Variants in EEPD1 observed in about 807,000 individuals in gnomAD.
EEPD1 encodes the protein endonuclease/exonuclease/phosphatase family domain containing 1.
EEPD1 carries 17 observed loss-of-function variants against 46.3 expected under a neutral mutation model. That is an observed-to-expected ratio of 0.37 (90% confidence interval 0.25 to 0.55). The LOEUF (loss-of-function observed/expected upper bound fraction) is 0.55. EEPD1 is among the 20% of genes least tolerant of loss of function. The pLI, the probability that EEPD1 is intolerant of heterozygous loss-of-function variation, is 0.83. For missense variants in EEPD1, 673 were observed against 745.6 expected, an observed-to-expected ratio of 0.90 and a Z score of 1.13; for synonymous variants, 313 against 315.6, an observed-to-expected ratio of 0.99 and a Z score of 0.09.
At chr7:36,168,758 A>AG (rs70977111) in intron 2 of EEPD1, among the ~76,000 whole-genome samples, 1 of 18,028 alleles carries the variant, frequency 5.5e-5, no homozygotes, top group Non-Finnish European at 1.7e-4. Flanking sequence ...ACTCTGTCTC[A>AG]AAAAAAAAAA....
intron 2 of EEPD1, among the ~76,000 whole-genome samples, chr7:36,173,245 T>C (rs1242299792): frequency 1.3e-5 from 2 of 150,170 alleles, no homozygotes; most frequent in East Asian, 4.0e-4. Context: ...TCCCAGCACT[T>C]TGGGAGGCCA....
At chr7:36,250,887 T>TA (rs1786728122) in intron 3 of EEPD1, among the ~76,000 whole-genome samples, 1 of 152,182 alleles carries the variant, frequency 6.6e-6, no homozygotes, top group Non-Finnish European at 1.5e-5. Context: ...TTCATTTCTT[T>TA]ACCCCCAAAA....
At chr7:36,161,784 G>A (rs1784903774) in intron 2 of EEPD1, among the ~76,000 whole-genome samples, 1 of 151,908 alleles carries the variant, frequency 6.6e-6, no homozygotes, top group Admixed American at 6.6e-5. Context: ...GAGTGGGGTA[G>A]TGCGTGCCTG....
chr7:36,297,547 G>C (rs1781846734), intron 7 of EEPD1, among the ~76,000 whole-genome samples: 1 of 152,206 alleles, frequency 6.6e-6, no homozygotes, highest in South Asian at 2.1e-4. Context: ...ATGTGTTCCA[G>C]GCAAACCTGG....
chr7:36,263,210 T>C (rs1269412514), intron 3 of EEPD1, among the ~76,000 whole-genome samples: 1 of 152,114 alleles, frequency 6.6e-6, no homozygotes, highest in Non-Finnish European at 1.5e-5. Context: ...TGCACGTCTG[T>C]AGTCCCAGCT....
At chr7:36,157,967 G>T (rs1784850689) in intron 2 of EEPD1, among the ~76,000 whole-genome samples, 1 of 152,186 alleles carries the variant, frequency 6.6e-6, no homozygotes, top group African/African-American at 2.4e-5. Context: ...ATGGGTGCAG[G>T]TGATTTCTGG....
intron 3 of EEPD1, 73 bp from the exon 4 acceptor site, chr7:36,281,042 T>C: frequency 7.6e-7 from 1 of 1,314,512 alleles, no homozygotes; most frequent in Non-Finnish European, 1.1e-6. Context: ...AGTGCCTGGC[T>C]TCTCAGGCCG....
intron 2 of EEPD1, among the ~76,000 whole-genome samples, chr7:36,156,201 A>G (rs891267212): frequency 6.6e-6 from 1 of 152,086 alleles, no homozygotes; most frequent in Non-Finnish European, 1.5e-5. Flanking sequence ...CAGTTTGGTG[A>G]CACGAAGTGA....
At position 36,231,658 on chromosome 7, in the gene EEPD1, C is replaced by A. The variant is rs559343370; in HGVS notation, c.879-7327C>A. On this transcript the variant is annotated intron_variant, in intron 2 of 7. Transcript: ENST00000242108. ...CTGTGTGTTCATCTTGTCCCCCAGACACACGGCAGTTTCTGAAATATAGGA... is the reference window on the plus strand; with the variant it reads ...CTGTGTGTTCATCTTGTCCCCCAGAAACACGGCAGTTTCTGAAATATAGGA... Among the ~76,000 whole-genome samples, 31 of 152,308 alleles carry A rather than the reference C, an allele frequency of 2.0e-4. No individual in the cohort carries two copies. In the South Asian group the frequency reaches 5.8e-3, roughly 29 times the overall value.
intron 3 of EEPD1, among the ~76,000 whole-genome samples, chr7:36,264,163 G>A (rs1226779454): frequency 6.6e-6 from 1 of 152,170 alleles, no homozygotes; most frequent in African/African-American, 2.4e-5. Flanking sequence ...ATACAGAATT[G>A]CAGTTTGGTC....
chr7:36,215,168 T>G (rs1786007485), intron 2 of EEPD1, among the ~76,000 whole-genome samples: 1 of 152,206 alleles, frequency 6.6e-6, no homozygotes, highest in African/African-American at 2.4e-5. Context: ...GAGATGCTGT[T>G]GCTTAACGAT....
At chr7:36,194,600 C>A (rs1320796719) in intron 2 of EEPD1, among the ~76,000 whole-genome samples, 1 of 152,174 alleles carries the variant, frequency 6.6e-6, no homozygotes, top group African/African-American at 2.4e-5. Context: ...CATCTCAGAT[C>A]TTACACTCAT....
At chr7:36,290,048 G>A (rs1052060885) in intron 6 of EEPD1, among the ~76,000 whole-genome samples, 1 of 152,220 alleles carries the variant, frequency 6.6e-6, no homozygotes, top group Admixed American at 6.5e-5. Context: ...AGAAGCAACT[G>A]TGTGGGAAAT....
At chr7:36,216,308 C>T (rs1786029128) in intron 2 of EEPD1, among the ~76,000 whole-genome samples, 1 of 152,170 alleles carries the variant, frequency 6.6e-6, no homozygotes, top group African/African-American at 2.4e-5. Context: ...AACTGTTCCC[C>T]TCCTGTCACC....
Position 36,296,030 on chromosome 7 carries a change from CAAAAAAAA to C in EEPD1, c.1316-945_1316-938del, listed in dbSNP as rs34494609. 1.0e-2 allele frequency among the ~76,000 whole-genome samples: 718 copies of C among 71,952 alleles called. 5 individuals carry two copies. The highest frequency in any genetic ancestry group is 0.013 in the Non-Finnish European group (559 of 42,916). The allele number at this position is 71,952 out of a possible 152,430, so 47.2% of individuals were successfully genotyped here. ...CGGCCAACAGAGTGAGACTGTCTCA[CAAAAAAAA>C]AAAAAAAAAAAAAAAAATGAGATGC... On this transcript the variant is annotated intron_variant, in intron 6 of 7. Coordinates refer to ENST00000242108, the MANE Select transcript of EEPD1 (RefSeq NM_030636.3).
At chr7:36,224,400 C>T (rs1490982591) in intron 2 of EEPD1, among the ~76,000 whole-genome samples, 1 of 152,134 alleles carries the variant, frequency 6.6e-6, no homozygotes, top group Non-Finnish European at 1.5e-5. Context: ...CTCATAATAG[C>T]TGGACAAATG....
At chr7:36,281,020 T>C in intron 3 of EEPD1, 95 bp from the exon 4 acceptor site, 2 of 991,372 alleles carry the variant, frequency 2.0e-6, no homozygotes, top group Non-Finnish European at 3.1e-6. Flanking sequence ...GGCTGATGAC[T>C]CAGAATCATG....
intron 2 of EEPD1, among the ~76,000 whole-genome samples, chr7:36,165,094 C>T (rs1484844497): frequency 2.0e-5 from 3 of 152,262 alleles, no homozygotes; most frequent in Non-Finnish European, 4.4e-5. Context: ...TTTATTAAAT[C>T]TACAGTAGTG....
At chr7:36,203,122 G>A (rs1336781939) in intron 2 of EEPD1, among the ~76,000 whole-genome samples, 1 of 152,210 alleles carries the variant, frequency 6.6e-6, no homozygotes, top group Non-Finnish European at 1.5e-5. Flanking sequence ...TTTGTGCCTG[G>A]AGATGCAGGG....
Sources: allele counts gnomAD v4.1 joint callset (sites outside exome capture counted in the v4.1 genomes callset), GRCh38; gene constraint gnomAD v4.1.1; transcripts MANE v1.5; gene names NCBI Gene and HGNC (gene_info 2026-07-23, HGNC 2026-07-21).